Variants in MYT1L observed in about 807,000 individuals in gnomAD.
MYT1L encodes the protein myelin transcription factor 1-like protein.
A neutral mutation model predicts 126.7 loss-of-function variants in MYT1L; 12 were observed. The observed-to-expected ratio is 0.09, with a 90% CI of 0.06 to 0.15. The LOEUF (loss-of-function observed/expected upper bound fraction) is 0.15. MYT1L is among the 10% of genes least tolerant of loss of function. The pLI is 1.00. For missense variants in MYT1L, 979 were observed against 1,585.2 expected, an observed-to-expected ratio of 0.62 and a Z score of 6.49; for synonymous variants, 541 against 604.2, an observed-to-expected ratio of 0.90 and a Z score of 1.53.
At chr2:1,822,752 C>G (rs907134780) in intron 21 of MYT1L, among the ~76,000 whole-genome samples, 3 of 132,964 alleles carry the variant, frequency 2.3e-5, no homozygotes, top group Non-Finnish European at 4.8e-5. Flanking sequence ...CTCATGGCTG[C>G]TGCTGTGTCC....
chr2:2,031,624 TAGA>T (rs774870011), intron 4 of MYT1L, among the ~76,000 whole-genome samples: 9 of 140,236 alleles, frequency 6.4e-5, no homozygotes, highest in Non-Finnish European at 1.1e-4. Flanking sequence ...GAGCAGATTC[TAGA>T]AGGAGGGCCT....
chr2:1,823,898 C>A (rs1468331274), intron 21 of MYT1L, among the ~76,000 whole-genome samples: 13 of 152,258 alleles, frequency 8.5e-5, no homozygotes, highest in African/African-American at 2.7e-4. Context: ...AGCCAAACTT[C>A]AAGAGCTGAG....
intron 4 of MYT1L, among the ~76,000 whole-genome samples, chr2:2,044,024 T>G (rs2067865438): frequency 6.6e-6 from 1 of 152,216 alleles, no homozygotes; most frequent in East Asian, 1.9e-4. Flanking sequence ...AAGGTACTTT[T>G]CTTTCATTTT....
chr2:2,050,028 C>T (rs2068649804), intron 4 of MYT1L, among the ~76,000 whole-genome samples: 1 of 151,890 alleles, frequency 6.6e-6, no homozygotes, highest in African/African-American at 2.4e-5. Flanking sequence ...TGAAATGAGA[C>T]ATGGTGAGTG....
At chr2:2,321,500 A>G (rs1277236447) in intron 1 of MYT1L, among the ~76,000 whole-genome samples, 1 of 152,150 alleles carries the variant, frequency 6.6e-6, no homozygotes, top group African/African-American at 2.4e-5. Flanking sequence ...AATTTAAAGT[A>G]AGCCCTTAAG....
At chr2:1,967,637 T>C (rs1574069784) in intron 8 of MYT1L, among the ~76,000 whole-genome samples, 1 of 152,216 alleles carries the variant, frequency 6.6e-6, no homozygotes, top group East Asian at 1.9e-4. Flanking sequence ...AATAATGTGA[T>C]GAGTGCCTTC....
intron 2 of MYT1L, among the ~76,000 whole-genome samples, chr2:2,261,617 G>A (rs1191392519): frequency 6.6e-6 from 1 of 152,174 alleles, no homozygotes; most frequent in East Asian, 1.9e-4. Flanking sequence ...GGCAAAAAAT[G>A]CATTTATGTT....
chr2:2,326,617 G>A (rs1163658111), intron 1 of MYT1L: 1 of 151,980 alleles, frequency 6.6e-6, no homozygotes, highest in Non-Finnish European at 1.5e-5. Flanking sequence ...TTTTAAAAGA[G>A]GTACATGGTA....
intron 18 of MYT1L, among the ~76,000 whole-genome samples, chr2:1,854,458 G>A (rs557452522): frequency 6.6e-6 from 1 of 152,228 alleles, no homozygotes; most frequent in African/African-American, 2.4e-5. Context: ...TGAGATTAAC[G>A]GAAAATAGCA....
chr2:2,029,743 A>G (rs190212915), intron 4 of MYT1L, among the ~76,000 whole-genome samples: 1 of 152,350 alleles, frequency 6.6e-6, no homozygotes, highest in Non-Finnish European at 1.5e-5. Flanking sequence ...AATATATTCA[A>G]TGTTACCTTC....
chr2:1,913,626 C>G (rs921033460), intron 11 of MYT1L, among the ~76,000 whole-genome samples: 1 of 152,212 alleles, frequency 6.6e-6, no homozygotes, highest in Non-Finnish European at 1.5e-5. Context: ...CTTCTCTTCA[C>G]ACTGCTCCCC....
In MYT1L at chr2:2,082,209, T is replaced by C. The variant is rs73911334; in HGVS notation, c.-303-28086A>G. On this transcript the variant is annotated intron_variant, in intron 3 of 24. Coordinates refer to ENST00000647738, the MANE Select transcript of MYT1L (RefSeq NM_001303052.2). ...CATAAGACAGCATTATATAAAATGC[T>C]ATGGAAACACCTGGGGCAGTTTTAC... is the stretch of plus-strand genomic sequence containing the variant. 8.2e-3 allele frequency among the ~76,000 whole-genome samples: 1,251 copies of C among 152,312 alleles called. 17 individuals are homozygous for C. The highest frequency in any genetic ancestry group is 0.025 in the African/African-American group (1,040 of 41,564).
intron 3 of MYT1L, among the ~76,000 whole-genome samples, chr2:2,140,471 G>T (rs1259011773): frequency 4.6e-5 from 5 of 109,252 alleles, no homozygotes; most frequent in Non-Finnish European, 6.8e-5. Flanking sequence ...GTATCACTCT[G>T]TTGCCCAGGC....
At chr2:2,221,027 G>A (rs542051551) in intron 2 of MYT1L, among the ~76,000 whole-genome samples, 61 of 152,218 alleles carry the variant, frequency 4.0e-4, no homozygotes, top group Middle Eastern at 3.4e-3. Flanking sequence ...CTATTAGCAG[G>A]GTCAACAATG....
intron 1 of MYT1L, among the ~76,000 whole-genome samples, chr2:2,285,426 G>C (rs1316852711): frequency 3.3e-5 from 5 of 152,158 alleles, no homozygotes; most frequent in African/African-American, 1.2e-4. Flanking sequence ...AAACTAGGGT[G>C]GTGGAAGAAA....
chr2:2,055,472 A>C (rs1439064469), intron 3 of MYT1L, among the ~76,000 whole-genome samples: 2 of 152,256 alleles, frequency 1.3e-5, no homozygotes, highest in African/African-American at 2.4e-5. Context: ...GCTTATGCAT[A>C]AACTTCTGTG....
At chr2:2,328,006 T>C (rs531818638) in intron 1 of MYT1L, among the ~76,000 whole-genome samples, 18 of 152,326 alleles carry the variant, frequency 1.2e-4, no homozygotes, top group Middle Eastern at 6.8e-3. Context: ...AGTTTATGCA[T>C]GTGACTTTGA....
At chr2:2,018,446 A>T (rs1160116186) in intron 4 of MYT1L, among the ~76,000 whole-genome samples, 1 of 152,172 alleles carries the variant, frequency 6.6e-6, no homozygotes, top group African/African-American at 2.4e-5. Context: ...GGTCACTAGT[A>T]ACTTAGCAAC....
chr2:2,198,884 T>C (rs2092938635), intron 2 of MYT1L, among the ~76,000 whole-genome samples: 1 of 151,802 alleles, frequency 6.6e-6, no homozygotes, highest in African/African-American at 2.4e-5. Flanking sequence ...AAAAATACCA[T>C]AGACCAAAAG....
Sources: allele counts gnomAD v4.1 joint callset (sites outside exome capture counted in the v4.1 genomes callset), GRCh38; gene constraint gnomAD v4.1.1; transcripts MANE v1.5; gene names NCBI Gene and HGNC (gene_info 2026-07-23, HGNC 2026-07-21).